SPG7: variants seen among roughly 807,000 people sequenced by gnomAD.
SPG7 encodes SPG7 matrix AAA peptidase subunit, paraplegin.
SPG7 carries 103 observed loss-of-function variants against 81.9 expected under a neutral mutation model. The observed-to-expected ratio is 1.26, with a 90% CI of 1.07 to 1.48. The LOEUF is 1.48. Among genes scored for constraint, SPG7 ranks in the 40% most tolerant of loss-of-function variants. The probability of loss-of-function intolerance (pLI) is 0.00; values close to 1 mark genes in which losing one functional copy is unlikely to be tolerated. For synonymous variants in SPG7, 534 were observed against 444.2 expected (o/e 1.20, Z -2.54); for missense variants, 1,241 against 1,087.3 (o/e 1.14, Z -1.99).
At chr16:89,534,904 G>T (rs948749045) in intron 9 of SPG7, among the ~76,000 whole-genome samples, 1 of 152,194 alleles carries the variant, frequency 6.6e-6, no homozygotes, top group Admixed American at 6.5e-5. Context: ...TGTGTCATTT[G>T]TTGGTCTTGT....
intron 9 of SPG7, among the ~76,000 whole-genome samples, chr16:89,534,037 T>C (rs1194945539): frequency 4.6e-5 from 7 of 152,184 alleles, no homozygotes; most frequent in Admixed American, 1.3e-4. Context: ...TCACATAGAT[T>C]TACCATTTTA....
chr16:89,544,919 T>C, intron 10 of SPG7, 147 bp downstream of exon 10: 3 of 949,826 alleles, frequency 3.2e-6, no homozygotes, highest in Non-Finnish European at 4.9e-6. Flanking sequence ...GGCCCCCGCA[T>C]CGGCTGCACG....
At chr16:89,531,180 G>T (rs2058337312) in intron 7 of SPG7, 2 of 366,862 alleles carry the variant, frequency 5.5e-6, no homozygotes, top group Non-Finnish European at 1.1e-5. Context: ...CCGCGGGCCT[G>T]GTACGGTGGG....
chr16:89,540,948 C>A (rs148346007), intron 9 of SPG7: 1 of 984,860 alleles, frequency 1.0e-6, no homozygotes. Context: ...TCACAGTGTT[C>A]TACGCAGAAA....
intron 5 of SPG7, among the ~76,000 whole-genome samples, chr16:89,527,676 T>C (rs1278987117): frequency 6.6e-6 from 1 of 152,292 alleles, no homozygotes; most frequent in African/African-American, 2.4e-5. Flanking sequence ...GTATGGACCA[T>C]GGACCCTGAC....
chr16:89,553,858 G>A lies in SPG7; in HGVS notation c.2001G>A (p.Met667Ile). Residue 667 changes from methionine (M) to isoleucine (I), a missense_variant, in exon 15 of 17, where the codon ATG (methionine) becomes ATA (isoleucine). Coordinates refer to ENST00000645818, the MANE Select transcript of SPG7 (RefSeq NM_003119.4). ...ACTCCATGGTGAAGCAGTTTGGGAT[G>A]GCACCTGGCATCGGGCCCATCTCCT... Reference protein sequence around the residue: ...IAYSMVKQFGMAPGIGPISFP... With the variant: ...IAYSMVKQFGIAPGIGPISFP... The A allele has an allele frequency of 1.9e-6, 3 of 1,613,530 alleles. No homozygotes were observed. The highest frequency in any genetic ancestry group is 2.5e-6 in the Non-Finnish European group (3 of 1,180,016).
At chr16:89,544,510 G>C in intron 9 of SPG7, 138 bp from the exon 10 acceptor site, 1 of 988,682 alleles carries the variant, frequency 1.0e-6, no homozygotes, top group Middle Eastern at 2.1e-4. Flanking sequence ...TCCTAGTTCA[G>C]AAGGACCGGG....
At chr16:89,553,192 C>T (rs1567933825) in intron 14 of SPG7, 57 bp downstream of exon 14, 2 of 1,512,370 alleles carry the variant, frequency 1.3e-6, no homozygotes, top group African/African-American at 1.4e-5. Context: ...CTGCATGACT[C>T]CTTCTGTTCC....
intron 12 of SPG7, chr16:89,549,555 C>T (rs919935833): frequency 8.3e-5 from 24 of 288,516 alleles, no homozygotes; most frequent in Non-Finnish European, 2.0e-5. Flanking sequence ...CTGGTCTCAG[C>T]TACTCAGGAG....
At chr16:89,514,445 G>C (rs8043556) in intron 3 of SPG7, 67,272 of 148,450 alleles carry the variant, frequency 0.45, 15,304 homozygotes, top group East Asian at 0.68. Flanking sequence ...CTCAGCCTCC[G>C]AAGTAGCTGG....
At chr16:89,546,353 G>A (rs993906153) in intron 10 of SPG7, 7 of 370,660 alleles carry the variant, frequency 1.9e-5, no homozygotes, top group Non-Finnish European at 3.7e-5. Context: ...CACCGGGCCC[G>A]GCCATCCAAC....
intron 5 of SPG7, 147 bp from the exon 6 acceptor site, chr16:89,529,330 C>T: frequency 1.5e-6 from 1 of 684,600 alleles, no homozygotes; most frequent in Non-Finnish European, 2.7e-6. Context: ...CCCATTTCCA[C>T]AACCATTTTA....
intron 3 of SPG7, chr16:89,520,432 C>T (rs1490269338): frequency 1.7e-5 from 3 of 180,590 alleles, no homozygotes; most frequent in Non-Finnish European, 3.4e-5. Flanking sequence ...TTTCACTCTT[C>T]GTTGCCCAGG....
intron 1 of SPG7, chr16:89,508,882 C>G (rs758101962): frequency 6.3e-6 from 4 of 631,420 alleles, no homozygotes; most frequent in South Asian, 1.5e-5. Flanking sequence ...CGCCCGTCTT[C>G]CTCGCCTTTT....
chr16:89,537,088 C>A, intron 9 of SPG7: 1 of 1,529,962 alleles, frequency 6.5e-7, no homozygotes, highest in Non-Finnish European at 8.7e-7. Flanking sequence ...TAAACAAGTC[C>A]CTTTATGCAG....
chr16:89,551,326 C>T lies in SPG7; in HGVS notation c.1779+717C>T, dbSNP rs1468702028. On this transcript the variant is annotated intron_variant, in intron 13 of 16. Transcript: ENST00000645818. The stretch of plus-strand genomic sequence containing the variant: ...CAGGGTTCACTGCAAACAATGCATA[C>T]GCTGTAGCAGTTGCCAGCTTGGTTT... 5.0e-5 allele frequency: 8 copies of T among 159,988 alleles called. No homozygotes were observed. In the South Asian group the frequency reaches 8.8e-4, roughly 18 times the overall value. The allele number at this position is 159,988 out of a possible 1,614,324, so 9.9% of individuals were successfully genotyped here. A position where few individuals can be genotyped will look rare whatever the true frequency, so the allele number is the denominator to read the frequency against.
intron 2 of SPG7, among the ~76,000 whole-genome samples, chr16:89,511,560 G>T (rs1288182967): frequency 6.6e-6 from 1 of 152,198 alleles, no homozygotes; most frequent in South Asian, 2.1e-4. Context: ...AGTGTTTAAC[G>T]TCAGCTCACG....
intron 12 of SPG7, chr16:89,548,452 C>T: frequency 3.0e-6 from 1 of 328,182 alleles, no homozygotes; most frequent in South Asian, 2.5e-5. Context: ...CTCAGCCTAG[C>T]CCCAGCCTCA....
At chr16:89,517,651 C>T (rs2152396765) in intron 3 of SPG7, 1 of 145,002 alleles carries the variant, frequency 6.9e-6, no homozygotes, top group East Asian at 2.0e-4. Context: ...TGGAGCTTCG[C>T]TCTTGTTGCC....
Sources: gnomAD v4.1 joint callset for allele counts (sites outside exome capture counted in the v4.1 genomes callset) on GRCh38, gnomAD v4.1.1 for gene constraint, MANE v1.5 for transcripts, NCBI Gene and HGNC (gene_info 2026-07-23, HGNC 2026-07-21) for gene names.